Variants in TNS3 observed in about 807,000 individuals in gnomAD.
The protein encoded by TNS3 is tensin-3.
A neutral mutation model predicts 140.9 loss-of-function variants in TNS3; 45 were observed. The ratio of observed to expected loss-of-function variants is 0.32; its 90% confidence interval spans 0.25 to 0.41. The LOEUF is 0.41. Among genes scored for constraint, TNS3 ranks in the 10% least tolerant of loss-of-function variants. The probability of loss-of-function intolerance (pLI) is 1.00; values close to 1 mark genes in which losing one functional copy is unlikely to be tolerated. For missense variants in TNS3, 1,716 were observed against 1,906.7 expected, an observed-to-expected ratio of 0.90 and a Z score of 1.86; for synonymous variants, 815 against 788.4, an observed-to-expected ratio of 1.03 and a Z score of -0.56.
At chr7:47,491,072 AGC>A (rs1797796058) in intron 3 of TNS3, among the ~76,000 whole-genome samples, 1 of 152,128 alleles carries the variant, frequency 6.6e-6, no homozygotes, top group Non-Finnish European at 1.5e-5. Context: ...AGGCCGACAG[AGC>A]GCGGCTGTGG....
intron 27 of TNS3, among the ~76,000 whole-genome samples, chr7:47,286,042 G>T (rs1026952284): frequency 6.6e-6 from 1 of 152,160 alleles, no homozygotes; most frequent in South Asian, 2.1e-4. Context: ...CAGACTTCAC[G>T]AGAGGGACAG....
At chr7:47,495,896 G>C (rs900973516) in intron 3 of TNS3, among the ~76,000 whole-genome samples, 17 of 152,224 alleles carry the variant, frequency 1.1e-4, no homozygotes, top group African/African-American at 3.6e-4. Context: ...AAGGGGTAAG[G>C]ACAGACCACT....
intron 1 of TNS3, among the ~76,000 whole-genome samples, chr7:47,580,336 C>T (rs1221993052): frequency 6.6e-6 from 1 of 152,214 alleles, no homozygotes. Flanking sequence ...ATCCCAACTC[C>T]CTCCAAGGAA....
chr7:47,557,113 G>A (rs1372166017), intron 1 of TNS3: 1 of 456,676 alleles, frequency 2.2e-6, no homozygotes, highest in African/African-American at 2.0e-5. Context: ...TCTCTGCCTG[G>A]AGCACATGAG....
chr7:47,424,782 G>T (rs1305193940), intron 9 of TNS3, among the ~76,000 whole-genome samples: 2 of 152,184 alleles, frequency 1.3e-5, no homozygotes, highest in Non-Finnish European at 1.5e-5. Context: ...GGGTTGGAAA[G>T]GTGTCTCAGG....
At chr7:47,396,778 C>T in intron 16 of TNS3, 22 bp downstream of exon 16, 1 of 1,592,448 alleles carries the variant, frequency 6.3e-7, no homozygotes, top group Non-Finnish European at 8.6e-7. Flanking sequence ...TCCATAACTG[C>T]ACACAAGATG....
intron 1 of TNS3, among the ~76,000 whole-genome samples, chr7:47,540,710 C>T (rs1199678678): frequency 1.3e-5 from 2 of 152,214 alleles, no homozygotes; most frequent in Non-Finnish European, 2.9e-5. Flanking sequence ...CAGAAGCAGA[C>T]ACTTTCCAGA....
intron 4 of TNS3, among the ~76,000 whole-genome samples, chr7:47,474,173 AC>A (rs1369872159): frequency 1.3e-5 from 2 of 149,848 alleles, no homozygotes; most frequent in Non-Finnish European, 3.0e-5. Context: ...CTCACACACA[AC>A]ACCTCACACA....
chr7:47,528,383 C>CA (rs1799275570), intron 2 of TNS3, among the ~76,000 whole-genome samples: 1 of 152,160 alleles, frequency 6.6e-6, no homozygotes, highest in East Asian at 1.9e-4. Flanking sequence ...AGGAAATCCC[C>CA]AACCCCGCAG....
chr7:47,470,035 T>C (rs111270464), intron 4 of TNS3, among the ~76,000 whole-genome samples: 20,933 of 132,618 alleles, frequency 0.16, 2,199 homozygotes, highest in African/African-American at 0.32. Context: ...TACAAACCCA[T>C]AAACAAGAAC....
At chr7:47,481,632 T>C (rs1797422808) in intron 3 of TNS3, 1 of 982,600 alleles carries the variant, frequency 1.0e-6, no homozygotes, top group Admixed American at 6.2e-5. Flanking sequence ...AACTGAAGAG[T>C]CTGAATGTGG....
intron 1 of TNS3, among the ~76,000 whole-genome samples, chr7:47,549,768 G>A (rs761297666): frequency 1.3e-5 from 2 of 152,078 alleles, no homozygotes; most frequent in African/African-American, 2.4e-5. Flanking sequence ...CTGTCCATCC[G>A]GTTCAGAGGG....
chr7:47,395,271 G>A (rs1257767398), intron 16 of TNS3, among the ~76,000 whole-genome samples: 2 of 152,108 alleles, frequency 1.3e-5, no homozygotes, highest in Non-Finnish European at 2.9e-5. Flanking sequence ...AAATCCACTC[G>A]CCTCAGCCTG....
At chr7:47,327,906 C>T (rs977302853) in intron 20 of TNS3, among the ~76,000 whole-genome samples, 8 of 152,254 alleles carry the variant, frequency 5.3e-5, no homozygotes, top group East Asian at 3.9e-4. Context: ...GGGCCAGAGG[C>T]GCCAGGAGCA....
chr7:47,338,334 T>C lies in TNS3; in HGVS notation c.2650+6421A>G, dbSNP rs182824659. On this transcript the variant is annotated intron_variant, in intron 20 of 30. Coordinates refer to ENST00000311160, the MANE Select transcript of TNS3 (RefSeq NM_022748.12). The stretch of plus-strand genomic sequence containing the variant: ...TCCAGCAACGTATAAGGGGTCTAGT[T>C]TTTCCACATGCTCACCAGTATTGGA... Among the ~76,000 whole-genome samples, 155 of 152,360 alleles carry C rather than the reference T, an allele frequency of 1.0e-3. 1 individual carries two copies. The highest frequency in any genetic ancestry group is 3.4e-3 in the African/African-American group (142 of 41,596).
intron 4 of TNS3, among the ~76,000 whole-genome samples, chr7:47,454,432 A>G (rs1796160563): frequency 6.6e-6 from 1 of 152,168 alleles, no homozygotes; most frequent in African/African-American, 2.4e-5. Flanking sequence ...AAACTAGCTG[A>G]CAACACCACC....
At chr7:47,381,830 C>T (rs1791778820) in intron 16 of TNS3, among the ~76,000 whole-genome samples, 1 of 152,208 alleles carries the variant, frequency 6.6e-6, no homozygotes, top group Non-Finnish European at 1.5e-5. Context: ...AACCCACCTT[C>T]CTATCAAGAG....
At chr7:47,312,443 C>T (rs1262199951) in intron 20 of TNS3, among the ~76,000 whole-genome samples, 3 of 152,128 alleles carry the variant, frequency 2.0e-5, no homozygotes, top group African/African-American at 7.2e-5. Context: ...GCGGGTCATG[C>T]CTGTAATCCC....
chr7:47,502,012 G>C (rs11505555), intron 3 of TNS3, among the ~76,000 whole-genome samples: 1 of 152,170 alleles, frequency 6.6e-6, no homozygotes, highest in Admixed American at 6.5e-5. Flanking sequence ...GTAGGCATAC[G>C]AGCAAGGTGG....
Sources: allele counts gnomAD v4.1 joint callset (sites outside exome capture counted in the v4.1 genomes callset), GRCh38; gene constraint gnomAD v4.1.1; transcripts MANE v1.5; gene names NCBI Gene and HGNC (gene_info 2026-07-23, HGNC 2026-07-21).